The following SLC35D1 variants were observed in gnomAD, a reference collection of about 807,000 sequenced individuals.
The protein encoded by SLC35D1 is nucleotide sugar transporter SLC35D1.
Under a neutral mutation model 46.7 loss-of-function variants are expected in SLC35D1, and 31 were observed. The observed-to-expected ratio is 0.66, with a 90% confidence interval of 0.50 to 0.90. The LOEUF (loss-of-function observed/expected upper bound fraction) is 0.90. Ranked by LOEUF, SLC35D1 falls within the 40% of genes least tolerant of loss-of-function variation. The pLI is 0.00. For missense variants in SLC35D1, 397 were observed against 426.2 expected, an observed-to-expected ratio of 0.93 and a Z score of 0.60; for synonymous variants, 195 against 164.6, an observed-to-expected ratio of 1.18 and a Z score of -1.41.
the SLC35D1 span, chr1:66,985,145 C>G: frequency 4.7e-6 from 5 of 1,075,228 alleles, no homozygotes; most frequent in Non-Finnish European, 5.7e-6. Context: ...TATATCTCTA[C>G]CTTCTCATTT....
the SLC35D1 span, among the ~76,000 whole-genome samples, chr1:66,989,096 T>C: frequency 6.6e-6 from 1 of 151,102 alleles, no homozygotes; most frequent in African/African-American, 2.4e-5. Context: ...TTTTGTCTTT[T>C]AAAAAAAAAA....
At position 67,004,444 on chromosome 1, in the gene SLC35D1, C is replaced by A; in HGVS notation, c.964G>T (p.Ala322Ser). 1 of 1,613,742 alleles carries A rather than the reference C, an allele frequency of 6.2e-7. No homozygotes were observed. The highest frequency in any genetic ancestry group is 1.1e-5 in the South Asian group (1 of 91,078). Reference sequence around the variant, plus strand: ...ATATAGGAATATACCAGGCTCCCAGCAATGCTGCAAAACAGAAAGCCACTA... The same window carrying A: ...ATATAGGAATATACCAGGCTCCCAGAAATGCTGCAAAACAGAAAGCCACTA... ...TNFIGLNISI[A>S]GSLVYSYITF... Residue 322 changes from alanine to serine, a missense_variant, in exon 12 of 12, where the codon GCT becomes TCT. Transcript: ENST00000235345.
intron 11 of SLC35D1, among the ~76,000 whole-genome samples, chr1:67,006,405 C>T (rs897132273): frequency 3.3e-5 from 5 of 152,146 alleles, no homozygotes; most frequent in Non-Finnish European, 2.9e-5. Flanking sequence ...GTCAATTTCC[C>T]TTTGCCTCCA....
At chr1:66,992,311 A>G in the SLC35D1 span, among the ~76,000 whole-genome samples, 1 of 152,154 alleles carries the variant, frequency 6.6e-6, no homozygotes, top group African/African-American at 2.4e-5. Flanking sequence ...TTTACTTTCT[A>G]CATAACTGGC....
chr1:67,040,175 T>G (rs908119640), intron 8 of SLC35D1, among the ~76,000 whole-genome samples: 1 of 152,102 alleles, frequency 6.6e-6, no homozygotes, highest in African/African-American at 2.4e-5. Context: ...TTTGGAATTT[T>G]TTGTAGAGAT....
intron 10 of SLC35D1, among the ~76,000 whole-genome samples, chr1:67,015,160 TAAAAA>T (rs140508453): frequency 2.3e-5 from 2 of 85,392 alleles, no homozygotes; most frequent in Non-Finnish European, 4.4e-5. Context: ...TGTGTTTTTG[TAAAAA>T]AAAAAAAAAA....
chr1:67,040,648 C>T (rs1668222839), intron 8 of SLC35D1, among the ~76,000 whole-genome samples: 1 of 152,058 alleles, frequency 6.6e-6, no homozygotes, highest in African/African-American at 2.4e-5. Context: ...TCTTCAAGGC[C>T]CACTTTGACT....
intron 8 of SLC35D1, among the ~76,000 whole-genome samples, chr1:67,032,507 C>T (rs1227381078): frequency 6.6e-6 from 1 of 151,812 alleles, no homozygotes; most frequent in Non-Finnish European, 1.5e-5. Flanking sequence ...ACGGAGAAAC[C>T]CTATCTCTAC....
chr1:66,973,871 C>T, the SLC35D1 span, among the ~76,000 whole-genome samples: 1 of 152,046 alleles, frequency 6.6e-6, no homozygotes, highest in Admixed American at 6.6e-5. Flanking sequence ...AGTTTTGTGT[C>T]GTAGCTTGTC....
intron 7 of SLC35D1, 53 bp from the exon 8 acceptor site, chr1:67,042,381 A>G (rs1357411991): frequency 1.4e-6 from 2 of 1,469,328 alleles, no homozygotes; most frequent in East Asian, 4.6e-5. Flanking sequence ...TAGCAGATAC[A>G]ACACTGTACA....
rs149847589 is a variant in SLC35D1, at chr1:67,022,416, C to T, written c.730-814G>A. 1.4e-3 allele frequency among the ~76,000 whole-genome samples: 209 copies of T among 152,324 alleles called. 1 individual carries two copies. Among genetic ancestry groups the T allele is most frequent in the African/African-American group, 4.9e-3 (204 of 41,580 alleles). On this transcript the variant is annotated intron_variant, in intron 8 of 11. Transcript: ENST00000235345. The stretch of plus-strand genomic sequence containing the variant: ...ATAAAACATACCATACACTTTCTTA[C>T]TTGCATGCCTTTGCCTGGAATGTCC...
At chr1:67,044,357 G>A (rs1305187765) in intron 7 of SLC35D1, among the ~76,000 whole-genome samples, 3 of 149,638 alleles carry the variant, frequency 2.0e-5, no homozygotes, top group Non-Finnish European at 3.0e-5. Flanking sequence ...AACCCCGAAG[G>A]AAAACTAGCT....
At chr1:66,998,865 G>A (rs954282181), downstream of SLC35D1, among the ~76,000 whole-genome samples, 12 of 152,136 alleles carry the variant, frequency 7.9e-5, no homozygotes, top group African/African-American at 2.4e-4. Context: ...CTGTTTAATG[G>A]GTATGGAGTT....
the SLC35D1 span, among the ~76,000 whole-genome samples, chr1:66,984,017 C>T: frequency 6.6e-6 from 1 of 152,232 alleles, no homozygotes; most frequent in East Asian, 1.9e-4. Context: ...AGCCACTGCA[C>T]CCAGCCTTGT....
At chr1:67,053,062 C>A in intron 1 of SLC35D1, 73 bp from the exon 2 acceptor site, 1 of 1,542,850 alleles carries the variant, frequency 6.5e-7, no homozygotes, top group African/African-American at 1.4e-5. Context: ...ATTTGCACAT[C>A]GGCAACGTTA....
intron 6 of SLC35D1, among the ~76,000 whole-genome samples, chr1:67,049,445 A>G (rs144598144): frequency 1.9e-3 from 297 of 152,362 alleles, no homozygotes; most frequent in Non-Finnish European, 3.6e-3. Flanking sequence ...AAAATAGGAA[A>G]ATTATACCCA....
chr1:66,990,658 A>C, the SLC35D1 span, among the ~76,000 whole-genome samples: 1 of 152,104 alleles, frequency 6.6e-6, no homozygotes, highest in Non-Finnish European at 1.5e-5. Context: ...CTTTGAAAAC[A>C]ATGATACCAG....
chr1:67,002,836 C>T lies in SLC35D1; in HGVS notation c.*1504G>A, dbSNP rs1158057786. On this transcript the variant is annotated 3_prime_UTR_variant, in exon 12 of 12. Coordinates refer to ENST00000235345, the MANE Select transcript of SLC35D1 (RefSeq NM_015139.3). ...TAGTGCAAAGGTACCAAATCTCTTG[C>T]ACACTGGCTGTACAACTGGCCTGAG... The T allele has an allele frequency of 1.3e-5, 2 of 152,364 alleles. No homozygotes were observed. The highest frequency in any genetic ancestry group is 4.8e-5 in the African/African-American group (2 of 41,458). 9.4% of individuals were successfully genotyped at this position (152,364 alleles called of 1,614,324 possible). A position where few individuals can be genotyped will look rare whatever the true frequency, so the allele number is the denominator to read the frequency against.
Position 67,047,269 on chromosome 1 carries a change from G to T in SLC35D1, c.632C>A (p.Ser211Ter). ...AAGCTTTAGATTGCTACTTACTTTT[G>T]AATCTAATTTTTGTTTTACGTATGC... Reference protein sequence around the residue: ...NGAYVKQKLDSKELGKYGLLY... With the variant: ...NGAYVKQKLD Residue 211 changes from serine (S) to a stop codon, truncating the protein, a stop_gained, in exon 7 of 12, where the codon TCA (serine) becomes TAA (stop). Transcript: ENST00000235345. LOFTEE classifies it high-confidence loss of function. 1 of 1,610,096 alleles carries T rather than the reference G, an allele frequency of 6.2e-7. No individual in the cohort carries two copies. The highest frequency in any genetic ancestry group is 1.1e-5 in the South Asian group (1 of 90,996).
Sources: gnomAD v4.1 joint callset for allele counts (sites outside exome capture counted in the v4.1 genomes callset) on GRCh38, gnomAD v4.1.1 for gene constraint, MANE v1.5 for transcripts, NCBI Gene and HGNC (gene_info 2026-07-23, HGNC 2026-07-21) for gene names.